The following CTNNA2 variants were observed in gnomAD, a reference collection of about 807,000 sequenced individuals.
CTNNA2 encodes the protein catenin alpha 2.
A neutral mutation model predicts 101.0 loss-of-function variants in CTNNA2; 42 were observed. The ratio of observed to expected loss-of-function variants is 0.42; its 90% confidence interval spans 0.32 to 0.54. CTNNA2 has a LOEUF of 0.54. CTNNA2 is among the 20% of genes least tolerant of loss of function. CTNNA2 has a pLI of 0.14. For missense variants in CTNNA2, 871 were observed against 1,223.1 expected (o/e 0.71, Z 4.29); for synonymous variants, 450 against 456.4 (o/e 0.99, Z 0.18).
intron 9 of CTNNA2, among the ~76,000 whole-genome samples, chr2:80,459,176 A>C (rs544681796): frequency 6.6e-6 from 1 of 152,276 alleles, no homozygotes; most frequent in African/African-American, 2.4e-5. Context: ...TATCATGTTT[A>C]CACAATGATG....
intron 17 of CTNNA2, among the ~76,000 whole-genome samples, chr2:80,611,770 A>T (rs893341046): frequency 1.3e-5 from 2 of 151,652 alleles, no homozygotes; most frequent in African/African-American, 4.8e-5. Context: ...AATATCAAAC[A>T]TTCTGATAAA....
chr2:80,031,833 G>T (rs892263720), intron 7 of CTNNA2, among the ~76,000 whole-genome samples: 3 of 152,154 alleles, frequency 2.0e-5, no homozygotes, highest in Non-Finnish European at 2.9e-5. Context: ...GGTTACATCT[G>T]TCTACAGATA....
chr2:79,481,392 A>G (rs17040658), intron 4 of CTNNA2, among the ~76,000 whole-genome samples: 11,679 of 152,184 alleles, frequency 0.077, 825 homozygotes, highest in African/African-American at 0.18. Context: ...GCAATAATCT[A>G]GAACAGGTTT....
intron 7 of CTNNA2, among the ~76,000 whole-genome samples, chr2:80,082,946 G>A (rs1287597749): frequency 6.6e-6 from 1 of 152,002 alleles, no homozygotes; most frequent in African/African-American, 2.4e-5. Flanking sequence ...GCTCCATATT[G>A]AATTGTATTA....
chr2:79,983,957 A>C (rs1255086651), intron 7 of CTNNA2, among the ~76,000 whole-genome samples: 1 of 152,074 alleles, frequency 6.6e-6, no homozygotes, highest in East Asian at 1.9e-4. Context: ...TCAGATAGGG[A>C]CAACCTATAC....
chr2:79,473,032 G>A (rs1292016762), intron 4 of CTNNA2, among the ~76,000 whole-genome samples: 1 of 152,096 alleles, frequency 6.6e-6, no homozygotes, highest in African/African-American at 2.4e-5. Context: ...AATGTCACTT[G>A]ATTCTGTCTG....
At chr2:79,863,933 C>A (rs1464629051) in intron 4 of CTNNA2, among the ~76,000 whole-genome samples, 2 of 152,138 alleles carry the variant, frequency 1.3e-5, no homozygotes, top group Non-Finnish European at 2.9e-5. Flanking sequence ...CACAGCGGGG[C>A]ATACTGAGGG....
chr2:80,540,997 A>G (rs1253676385), intron 9 of CTNNA2, among the ~76,000 whole-genome samples: 1 of 152,196 alleles, frequency 6.6e-6, no homozygotes, highest in East Asian at 1.9e-4. Flanking sequence ...CCCAAGCTAC[A>G]TTATTGATTG....
chr2:79,678,732 A>G (rs955321192), intron 2 of CTNNA2, among the ~76,000 whole-genome samples: 1 of 151,810 alleles, frequency 6.6e-6, no homozygotes, highest in Non-Finnish European at 1.5e-5. Context: ...GGTCTTTTGC[A>G]TCTTTCAAGA....
At chr2:79,728,174 A>T (rs1446650438) in intron 2 of CTNNA2, among the ~76,000 whole-genome samples, 3 of 152,116 alleles carry the variant, frequency 2.0e-5, no homozygotes, top group Non-Finnish European at 4.4e-5. Context: ...CAATGGTTGA[A>T]CTAGTTTACA....
chr2:80,626,202 T>A (rs2149817297), intron 18 of CTNNA2, among the ~76,000 whole-genome samples: 1 of 152,240 alleles, frequency 6.6e-6, no homozygotes, highest in Admixed American at 6.5e-5. Context: ...TGATGAAACA[T>A]ACAACTAGAG....
At chr2:79,668,545 C>T (rs1558820339) in intron 2 of CTNNA2, among the ~76,000 whole-genome samples, 1 of 152,112 alleles carries the variant, frequency 6.6e-6, no homozygotes, top group Non-Finnish European at 1.5e-5. Context: ...TAAGAACCAC[C>T]TCCTTGAATA....
chr2:80,316,561 G>C (rs191184348), intron 7 of CTNNA2, among the ~76,000 whole-genome samples: 1 of 152,264 alleles, frequency 6.6e-6, no homozygotes, highest in East Asian at 1.9e-4. Flanking sequence ...GCATGTGCCG[G>C]CTGCTGGTCT....
intron 2 of CTNNA2, among the ~76,000 whole-genome samples, chr2:79,221,123 A>C (rs1674339457): frequency 7.4e-6 from 1 of 134,518 alleles, no homozygotes; most frequent in African/African-American, 2.7e-5. Context: ...AATAATAATA[A>C]GCTAAAAAAA....
intron 7 of CTNNA2, among the ~76,000 whole-genome samples, chr2:80,234,086 G>T (rs573790062): frequency 1.3e-5 from 2 of 150,832 alleles, no homozygotes; most frequent in South Asian, 2.1e-4. Context: ...TCACTCTGTC[G>T]CCCAGGCTGG....
At chr2:79,956,151 A>T (rs1336428324) in intron 7 of CTNNA2, among the ~76,000 whole-genome samples, 1 of 151,672 alleles carries the variant, frequency 6.6e-6, no homozygotes, top group East Asian at 1.9e-4. Context: ...TTGAATGGGA[A>T]CCTCCCTGTT....
chr2:80,091,145 C>G (rs1279678953), intron 7 of CTNNA2, among the ~76,000 whole-genome samples: 1 of 152,050 alleles, frequency 6.6e-6, no homozygotes, highest in Non-Finnish European at 1.5e-5. Context: ...AGATTCAAAG[C>G]TTTTGGAATT....
intron 3 of CTNNA2, among the ~76,000 whole-genome samples, chr2:79,836,461 G>T (rs1679372326): frequency 6.6e-6 from 1 of 152,182 alleles, no homozygotes; most frequent in Admixed American, 6.5e-5. Flanking sequence ...GAAGTGAGGT[G>T]CATGCATTTC....
intron 7 of CTNNA2, among the ~76,000 whole-genome samples, chr2:80,018,445 C>T (rs550157592): frequency 3.0e-4 from 46 of 152,116 alleles, no homozygotes; most frequent in African/African-American, 1.0e-3. Flanking sequence ...CTGGCCATGG[C>T]GGGAGTATTT....
Sources: gnomAD v4.1 joint callset for allele counts (sites outside exome capture counted in the v4.1 genomes callset) on GRCh38, gnomAD v4.1.1 for gene constraint, MANE v1.5 for transcripts, NCBI Gene and HGNC (gene_info 2026-07-23, HGNC 2026-07-21) for gene names.